The following SLC24A4 variants were observed in gnomAD, a reference collection of about 807,000 sequenced individuals.
SLC24A4 encodes the protein sodium/potassium/calcium exchanger 4.
SLC24A4 carries 53 observed loss-of-function variants against 79.0 expected under a neutral mutation model. That is an observed-to-expected ratio of 0.67 (90% CI 0.54 to 0.84). The LOEUF is 0.84. SLC24A4 is among the 40% of genes least tolerant of loss of function. The pLI is 0.00. For synonymous variants in SLC24A4, 323 were observed against 323.8 expected (o/e 1.00, Z 0.03); for missense variants, 731 against 822.0 (o/e 0.89, Z 1.35).
chr14:92,378,295 G>A (rs1354351489), intron 2 of SLC24A4, among the ~76,000 whole-genome samples: 1 of 152,102 alleles, frequency 6.6e-6, no homozygotes, highest in Non-Finnish European at 1.5e-5. Context: ...TTTTTGTTGG[G>A]TTCATGAGAA....
chr14:92,456,285 C>T (rs1893455371), intron 11 of SLC24A4, 119 bp from the exon 12 acceptor site: 1 of 941,408 alleles, frequency 1.1e-6, no homozygotes, highest in Non-Finnish European at 1.7e-6. Context: ...AAACCTGTCC[C>T]CAGGGTTGTT....
chr14:92,387,221 G>A (rs1435534697), intron 2 of SLC24A4, among the ~76,000 whole-genome samples: 1 of 149,962 alleles, frequency 6.7e-6, no homozygotes, highest in Non-Finnish European at 1.5e-5. Context: ...GTGTCACCCA[G>A]GCTGGAGAGC....
chr14:92,370,236 G>A (rs958111167), intron 2 of SLC24A4, among the ~76,000 whole-genome samples: 1 of 152,154 alleles, frequency 6.6e-6, no homozygotes, highest in Admixed American at 6.5e-5. Context: ...AATAGAGAAA[G>A]TCTTCCAGAA....
chr14:92,484,990 T>A, intron 13 of SLC24A4: 1 of 712,180 alleles, frequency 1.4e-6, no homozygotes, highest in Non-Finnish European at 1.7e-6. Flanking sequence ...TTACTTCATC[T>A]TGTTCAAGCA....
At chr14:92,374,715 A>T (rs930313104) in intron 2 of SLC24A4, among the ~76,000 whole-genome samples, 4 of 152,344 alleles carry the variant, frequency 2.6e-5, no homozygotes, top group African/African-American at 9.6e-5. Context: ...TGCCCTTAGT[A>T]TACTAAGGCT....
intron 2 of SLC24A4, among the ~76,000 whole-genome samples, chr14:92,342,583 A>G (rs1456448014): frequency 1.3e-5 from 2 of 151,988 alleles, no homozygotes; most frequent in Middle Eastern, 3.2e-3. Context: ...GAGTTTTGCC[A>G]TGTTGGCCAG....
intron 2 of SLC24A4, among the ~76,000 whole-genome samples, chr14:92,362,255 G>A (rs1887575892): frequency 6.6e-6 from 1 of 151,180 alleles, no homozygotes; most frequent in Admixed American, 6.6e-5. Context: ...CCGGCTCTTT[G>A]GGGTCTCTGG....
intron 8 of SLC24A4, among the ~76,000 whole-genome samples, chr14:92,446,016 G>A (rs1423619225): frequency 6.6e-6 from 1 of 152,178 alleles, no homozygotes; most frequent in African/African-American, 2.4e-5. Context: ...GAGCAACATA[G>A]TGAGACCCCG....
At chr14:92,442,662 C>A in intron 5 of SLC24A4, 51 bp from the exon 6 acceptor site, 2 of 1,308,012 alleles carry the variant, frequency 1.5e-6, no homozygotes, top group Non-Finnish European at 2.2e-6. Context: ...GAGGAAGGGG[C>A]AGGCTGGGGA....
rs36185636 is a variant in SLC24A4 at position 92,474,863 on chromosome 14, A to ATATATATATATATATATAT, written c.1256-7816_1256-7815insATATATATATATATATATT. 3.3e-3 allele frequency among the ~76,000 whole-genome samples: 191 copies of ATATATATATATATATATAT among 57,046 alleles called. 13 individuals are homozygous for ATATATATATATATATATAT. The highest frequency in any genetic ancestry group is 0.015 in the Middle Eastern group (2 of 132). 37.4% of individuals were successfully genotyped at this position (57,046 alleles called of 152,430 possible). A position where few individuals can be genotyped will look rare whatever the true frequency, so the allele number is the denominator to read the frequency against. ...TGTGTGTATATATATATATATATAT[A>ATATATATATATATATATAT]TTTTTTTTTTTTTTAGTAGACACAG... On this transcript the variant is annotated intron_variant, in intron 12 of 16. Transcript: ENST00000532405.
Position 92,442,962 on chromosome 14 carries a change from C to T in SLC24A4, c.582+146C>T, listed in dbSNP as rs536000411. 121 of 658,828 alleles carry T rather than the reference C, an allele frequency of 1.8e-4. No individual in the cohort carries two copies. The East Asian group carries it at 3.3e-3, about 18-fold the overall frequency. 40.8% of individuals were successfully genotyped at this position (658,828 alleles called of 1,614,324 possible). A position where few individuals can be genotyped will look rare whatever the true frequency, so the allele number is the denominator to read the frequency against. ...GATACATTTGGGGCCTGGTTTTGGCCTCTCCAACAGGGAGCATGAAGCTGG... is the reference window on the plus strand; with the variant it reads ...GATACATTTGGGGCCTGGTTTTGGCTTCTCCAACAGGGAGCATGAAGCTGG... On this transcript the variant is annotated intron_variant, in intron 6 of 16. Transcript: ENST00000532405.
chr14:92,379,382 G>A (rs1274701468), intron 2 of SLC24A4, among the ~76,000 whole-genome samples: 1 of 152,170 alleles, frequency 6.6e-6, no homozygotes, highest in African/African-American at 2.4e-5. Flanking sequence ...CATTCTCAGT[G>A]GTTCTGCTCA....
At chr14:92,429,953 T>C (rs1277142784) in intron 2 of SLC24A4, among the ~76,000 whole-genome samples, 3 of 152,218 alleles carry the variant, frequency 2.0e-5, no homozygotes, top group South Asian at 2.1e-4. Flanking sequence ...CCCTAACTTA[T>C]TCTACTCCAC....
Position 92,494,352 on chromosome 14 carries a change from A to G in SLC24A4, c.*724A>G, listed in dbSNP as rs1895852794. ...ATATAGGTCATCATACTTGAAAATT[A>G]TCATTCCATATGAAAGGATCATGAT... On this transcript the variant is annotated 3_prime_UTR_variant, in exon 17 of 17. Coordinates refer to ENST00000532405, the MANE Select transcript of SLC24A4 (RefSeq NM_153646.4). This position sits in a 1 kb window ranked among gnomAD's most constrained non-coding sequence, Gnocchi z 4.6. 1 of 152,690 alleles carries G rather than the reference A, an allele frequency of 6.5e-6. No homozygotes were observed. Among genetic ancestry groups the G allele is most frequent in the South Asian group, 2.1e-4 (1 of 4,838 alleles). The allele number at this position is 152,690 out of a possible 1,614,324, so 9.5% of individuals were successfully genotyped here. A position where few individuals can be genotyped will look rare whatever the true frequency, so the allele number is the denominator to read the frequency against.
Position 92,495,694 on chromosome 14 carries a change from G to A in SLC24A4, c.*2066G>A, listed in dbSNP as rs1294154105. 2 of 152,364 alleles carry A rather than the reference G, an allele frequency of 1.3e-5. No individual in the cohort carries two copies. The highest frequency in any genetic ancestry group is 6.5e-5 in the Admixed American group (1 of 15,298). 9.4% of individuals were successfully genotyped at this position (152,364 alleles called of 1,614,324 possible). A position where few individuals can be genotyped will look rare whatever the true frequency, so the allele number is the denominator to read the frequency against. Reference sequence around the variant, plus strand: ...TAACAGAAAGTAGTGTCTTGGAGAGGTCAAGGGTCTCTAGTTCAATGGCCA... The same window carrying A: ...TAACAGAAAGTAGTGTCTTGGAGAGATCAAGGGTCTCTAGTTCAATGGCCA... On this transcript the variant is annotated 3_prime_UTR_variant, in exon 17 of 17. Coordinates refer to ENST00000532405, the MANE Select transcript of SLC24A4 (RefSeq NM_153646.4).
At chr14:92,433,229 G>A (rs1891972008) in intron 2 of SLC24A4, among the ~76,000 whole-genome samples, 1 of 152,188 alleles carries the variant, frequency 6.6e-6, no homozygotes, top group Non-Finnish European at 1.5e-5. Context: ...TCATGAGCGT[G>A]CTTATCTGCT....
chr14:92,489,761 C>T (rs941140544), intron 14 of SLC24A4, among the ~76,000 whole-genome samples: 16 of 152,188 alleles, frequency 1.1e-4, no homozygotes, highest in African/African-American at 3.6e-4. Flanking sequence ...TGCCGGCAGC[C>T]CCGTTTGTGC....
At chr14:92,450,393 G>C (rs1008523012) in intron 10 of SLC24A4, 1 of 151,112 alleles carries the variant, frequency 6.6e-6, no homozygotes, top group African/African-American at 2.4e-5. Context: ...GAGTCTCTCC[G>C]TATAGAAGGA....
intron 2 of SLC24A4, among the ~76,000 whole-genome samples, chr14:92,385,851 CTCT>C (rs1372503745): frequency 6.6e-6 from 1 of 152,222 alleles, no homozygotes; most frequent in Non-Finnish European, 1.5e-5. Flanking sequence ...GACCTTAATG[CTCT>C]TCTTGAATTT....
Sources: allele counts gnomAD v4.1 joint callset (sites outside exome capture counted in the v4.1 genomes callset), GRCh38; gene constraint gnomAD v4.1.1; non-coding constraint Gnocchi (gnomAD v3.1); transcripts MANE v1.5; gene names NCBI Gene and HGNC (gene_info 2026-07-23, HGNC 2026-07-21).